The following SEMA3D variants were observed in gnomAD, a reference collection of about 807,000 sequenced individuals.
SEMA3D encodes the protein semaphorin-3D.
SEMA3D carries 84 observed loss-of-function variants against 100.1 expected under a neutral mutation model. The observed-to-expected ratio is 0.84, with a 90% CI of 0.70 to 1.01. The LOEUF is 1.01. Among genes scored for constraint, SEMA3D ranks in the 50% least tolerant of loss-of-function variants. The probability of loss-of-function intolerance (pLI) is 0.00; values close to 1 mark genes in which losing one functional copy is unlikely to be tolerated. For missense variants in SEMA3D, 875 were observed against 934.1 expected (o/e 0.94, Z 0.82); for synonymous variants, 312 against 320.7 (o/e 0.97, Z 0.29).
chr7:85,115,707 T>A (rs1295538096), intron 3 of SEMA3D, among the ~76,000 whole-genome samples: 1 of 152,132 alleles, frequency 6.6e-6, no homozygotes, highest in Non-Finnish European at 1.5e-5. Flanking sequence ...GCATTCAACA[T>A]CCCTATCAGG....
At chr7:85,169,562 T>C (rs187241067) in intron 1 of SEMA3D, among the ~76,000 whole-genome samples, 3 of 151,940 alleles carry the variant, frequency 2.0e-5, no homozygotes, top group South Asian at 2.1e-4. Flanking sequence ...AACACATGTT[T>C]TAAATTAAAT....
the SEMA3D span, among the ~76,000 whole-genome samples, chr7:85,211,900 A>G: frequency 6.6e-6 from 1 of 152,150 alleles, no homozygotes; most frequent in East Asian, 1.9e-4. Context: ...TATAATACAT[A>G]AAACACACAA....
chr7:85,087,036 T>A (rs547507884), intron 4 of SEMA3D, among the ~76,000 whole-genome samples: 2 of 152,176 alleles, frequency 1.3e-5, no homozygotes, highest in Non-Finnish European at 2.9e-5. Context: ...TTATCAGCAA[T>A]AAAATGCCAC....
chr7:85,157,857 A>C (rs1790642268), intron 1 of SEMA3D, among the ~76,000 whole-genome samples: 1 of 152,142 alleles, frequency 6.6e-6, no homozygotes, highest in Non-Finnish European at 1.5e-5. Flanking sequence ...AAGAACATAA[A>C]TTGTGAAGAT....
intron 1 of SEMA3D, among the ~76,000 whole-genome samples, chr7:85,180,752 C>G (rs1791378286): frequency 6.6e-6 from 1 of 152,144 alleles, no homozygotes; most frequent in Non-Finnish European, 1.5e-5. Flanking sequence ...CATTTTTTAT[C>G]TCTGTTCCAG....
chr7:85,129,596 T>C (rs1789667641), intron 2 of SEMA3D, among the ~76,000 whole-genome samples: 1 of 152,122 alleles, frequency 6.6e-6, no homozygotes, highest in African/African-American at 2.4e-5. Context: ...GTATAGGAAA[T>C]AGCATTTCAA....
rs539125637 is a variant in SEMA3D at position 85,002,514 on chromosome 7, AATGCTTTC to A, written c.1909-2657_1909-2650del. Reference sequence around the variant, plus strand: ...CCTACTTTCCAGTCTCTTTCTCTGTAATGCTTTCATTCTTTGCTGAAATAGGATGCATT... The same window carrying A: ...CCTACTTTCCAGTCTCTTTCTCTGTAATTCTTTGCTGAAATAGGATGCATT... On this transcript the variant is annotated intron_variant, in intron 18 of 18. Transcript: ENST00000284136. Among the ~76,000 whole-genome samples the A allele has an allele frequency of 2.7e-3, 410 of 152,272 alleles. 4 individuals carry two copies. The highest frequency in any genetic ancestry group is 9.2e-3 in the African/African-American group (382 of 41,556).
intron 4 of SEMA3D, among the ~76,000 whole-genome samples, chr7:85,090,344 G>A (rs529889750): frequency 2.4e-4 from 37 of 152,176 alleles, no homozygotes; most frequent in African/African-American, 6.3e-4. Flanking sequence ...ATCAGCACCC[G>A]GGCTAGGGAG....
chr7:85,046,674 T>A (rs79879894), intron 9 of SEMA3D, among the ~76,000 whole-genome samples: 1,586 of 152,030 alleles, frequency 0.01, 26 homozygotes, highest in African/African-American at 0.036. Context: ...TCACAAGGAG[T>A]TGTATTTCTC....
In SEMA3D at chr7:84,999,428, T is replaced by C; in HGVS notation, c.*12A>G. 1 of 1,607,274 alleles carries C rather than the reference T, an allele frequency of 6.2e-7. No individual in the cohort carries two copies. Among genetic ancestry groups the C allele is most frequent in the Non-Finnish European group, 8.5e-7 (1 of 1,175,644 alleles). ...TAGGTAAGGAATTCTTTTCTTTAAA[T>C]TAAGTAGAAAACTACGTGGCTACAG... On this transcript the variant is annotated 3_prime_UTR_variant, in exon 19 of 19. Transcript: ENST00000284136.
At chr7:85,143,892 G>A (rs1048507000) in intron 2 of SEMA3D, among the ~76,000 whole-genome samples, 2 of 151,864 alleles carry the variant, frequency 1.3e-5, no homozygotes, top group African/African-American at 4.8e-5. Context: ...TGTATTTTTA[G>A]TAGAGACGGG....
the SEMA3D span, among the ~76,000 whole-genome samples, chr7:85,235,305 AGT>A: frequency 2.0e-5 from 3 of 152,190 alleles, no homozygotes; most frequent in Non-Finnish European, 4.4e-5. Flanking sequence ...ACAGAATTTG[AGT>A]GTCTTACCAA....
At chr7:85,036,405 G>A (rs1372212028) in intron 12 of SEMA3D, among the ~76,000 whole-genome samples, 2 of 152,088 alleles carry the variant, frequency 1.3e-5, no homozygotes, top group Admixed American at 6.6e-5. Flanking sequence ...TTTAAAAAGT[G>A]CATGTTATTC....
At chr7:85,163,141 C>G (rs1454902651) in intron 1 of SEMA3D, 1 of 198,464 alleles carries the variant, frequency 5.0e-6, no homozygotes. Flanking sequence ...GTGGCCTCTC[C>G]ATGAAAGTGA....
chr7:85,214,590 G>A, the SEMA3D span, among the ~76,000 whole-genome samples: 20,127 of 151,434 alleles, frequency 0.13, 2,915 homozygotes, highest in African/African-American at 0.36. Flanking sequence ...TCTACCTCCC[G>A]GGTTCAAGCA....
chr7:85,044,273 G>A (rs1251962142), intron 9 of SEMA3D, among the ~76,000 whole-genome samples: 1 of 151,848 alleles, frequency 6.6e-6, no homozygotes, highest in Non-Finnish European at 1.5e-5. Flanking sequence ...AGGGGGAAGG[G>A]GAGAAAGAAA....
intron 6 of SEMA3D, 112 bp downstream of exon 6, chr7:85,072,850 T>C: frequency 1.2e-6 from 1 of 836,338 alleles, no homozygotes. Flanking sequence ...CCTCCATGCC[T>C]GGCCATATAT....
intron 6 of SEMA3D, among the ~76,000 whole-genome samples, chr7:85,069,043 G>A (rs768189400): frequency 3.3e-5 from 5 of 152,080 alleles, no homozygotes; most frequent in African/African-American, 7.2e-5. Context: ...CCATGAGATT[G>A]AGTGTTTCAT....
the SEMA3D span, among the ~76,000 whole-genome samples, chr7:85,232,016 T>G: frequency 6.6e-6 from 1 of 152,148 alleles, no homozygotes; most frequent in Admixed American, 6.5e-5. Context: ...CGAAAAAGAT[T>G]CACCCACTCT....
Sources: allele counts gnomAD v4.1 joint callset (sites outside exome capture counted in the v4.1 genomes callset), GRCh38; gene constraint gnomAD v4.1.1; transcripts MANE v1.5; gene names NCBI Gene and HGNC (gene_info 2026-07-23, HGNC 2026-07-21).